Variants in ESR2 observed in about 807,000 individuals in gnomAD.
The protein encoded by ESR2 is estrogen receptor 2, also known as estrogen receptor beta.
ESR2 carries 36 observed loss-of-function variants against 49.6 expected under a neutral mutation model. The observed-to-expected ratio is 0.73, with a 90% CI of 0.56 to 0.96. The LOEUF (loss-of-function observed/expected upper bound fraction) is 0.96, where lower values mean the gene tolerates loss of function less well. Among genes scored for constraint, ESR2 ranks in the 40% least tolerant of loss-of-function variants. The probability of loss-of-function intolerance (pLI) is 0.00; values close to 1 mark genes in which losing one functional copy is unlikely to be tolerated. For synonymous variants in ESR2, 320 were observed against 266.1 expected, an observed-to-expected ratio of 1.20 and a Z score of -1.97; for missense variants, 714 against 693.0, an observed-to-expected ratio of 1.03 and a Z score of -0.34.
intron 7 of ESR2, among the ~76,000 whole-genome samples, chr14:64,238,683 G>A (rs1324991195): frequency 6.6e-6 from 1 of 151,254 alleles, no homozygotes; most frequent in Admixed American, 6.6e-5. Context: ...TCCCCCAAAA[G>A]TAAAAACATC....
intron 1 of ESR2, among the ~76,000 whole-genome samples, chr14:64,283,881 C>T (rs1221144791): frequency 6.6e-6 from 1 of 150,792 alleles, no homozygotes; most frequent in South Asian, 2.1e-4. Flanking sequence ...ACCAGTGTAA[C>T]TGTGTCACTT....
intron 1 of ESR2, among the ~76,000 whole-genome samples, chr14:64,327,686 C>T (rs1338962984): frequency 1.3e-5 from 2 of 151,832 alleles, no homozygotes; most frequent in African/African-American, 4.8e-5. Flanking sequence ...CAGAGCAAGA[C>T]CCCACCTCAA....
chr14:64,275,342 T>A (rs8020356), intron 3 of ESR2, among the ~76,000 whole-genome samples: 52,355 of 151,906 alleles, frequency 0.34, 9,421 homozygotes, highest in Middle Eastern at 0.44. Context: ...ACCTTTTTTG[T>A]CTCTTTTTAT....
At chr14:64,250,068 G>A (rs562100796) in intron 6 of ESR2, among the ~76,000 whole-genome samples, 38 of 152,260 alleles carry the variant, frequency 2.5e-4, no homozygotes, top group African/African-American at 9.1e-4. Flanking sequence ...ATTTCAAAAT[G>A]AGACACTTCA....
At chr14:64,305,842 G>A (rs947018723) in intron 1 of ESR2, among the ~76,000 whole-genome samples, 1 of 152,140 alleles carries the variant, frequency 6.6e-6, no homozygotes, top group Admixed American at 6.5e-5. Context: ...ACTACCAAAT[G>A]TTCCTCAGCT....
At chr14:64,304,002 A>C (rs1237066314) in intron 1 of ESR2, among the ~76,000 whole-genome samples, 1 of 152,242 alleles carries the variant, frequency 6.6e-6, no homozygotes, top group African/African-American at 2.4e-5. Flanking sequence ...AGAGAGACAC[A>C]CAAAATACTG....
rs561226739 is a variant in ESR2, at chr14:64,260,718, A to G, written c.683T>C (p.Leu228Pro). ...GSRRERCGYR[L>P]VRRQRSADEQ... The stretch of plus-strand genomic sequence containing the variant: ...GTCGGCACTTCTCTGTCTCCGCACA[A>G]GGCGGTACCCACATCTCTCTCTCCG... The change falls in exon 5 of 9, where the codon CTT becomes CCT. Residue 228 changes from leucine to proline, a missense_variant. Leu to Pro is a moderately conservative substitution (Grantham distance 98, BLOSUM62 -3). Transcript: ENST00000341099. 1.1e-4 allele frequency: 173 copies of G among 1,532,586 alleles called. 2 individuals are homozygous for G. Among genetic ancestry groups the G allele is most frequent in the Middle Eastern group, 7.2e-4 (4 of 5,570 alleles). The allele number at this position is 1,532,586 out of a possible 1,614,324, so 94.9% of individuals were successfully genotyped here.
intron 1 of ESR2, 62 bp from the exon 2 acceptor site, chr14:64,283,137 A>C (rs2076715573): frequency 1.6e-6 from 1 of 634,998 alleles, no homozygotes; most frequent in African/African-American, 1.8e-5. Context: ...ATGAAAATTT[A>C]AATATTTTCA....
chr14:64,306,213 A>G (rs2140874593), intron 1 of ESR2, among the ~76,000 whole-genome samples: 1 of 147,488 alleles, frequency 6.8e-6, no homozygotes, highest in East Asian at 2.0e-4. Context: ...AAAAAAAAAG[A>G]AAAAAAAAAA....
chr14:64,293,362 C>G (rs975196975), intron 1 of ESR2, among the ~76,000 whole-genome samples: 3 of 152,216 alleles, frequency 2.0e-5, no homozygotes, highest in Admixed American at 1.3e-4. Context: ...CAAAATGTTG[C>G]CTACCACACC....
In ESR2 at chr14:64,233,072, T is replaced by C. The variant is rs2140605837; in HGVS notation, c.*65A>G. 2 of 1,564,968 alleles carry C rather than the reference T, an allele frequency of 1.3e-6. No individual in the cohort carries two copies. Among genetic ancestry groups the C allele is most frequent in the East Asian group, 2.3e-5 (1 of 44,172 alleles). On this transcript the variant is annotated 3_prime_UTR_variant, in exon 9 of 9. Transcript: ENST00000341099. Reference sequence around the variant, plus strand: ...AGCAGAAAGATGAAGCCCAGGCTCCTGACACACTGGAGTTCACGCTTCAGC... The same window carrying C: ...AGCAGAAAGATGAAGCCCAGGCTCCCGACACACTGGAGTTCACGCTTCAGC...
intron 1 of ESR2, among the ~76,000 whole-genome samples, chr14:64,305,436 C>A (rs1177464858): frequency 6.6e-6 from 1 of 151,190 alleles, no homozygotes. Flanking sequence ...TTTGGGAGGC[C>A]AAGGCGGGCG....
intron 1 of ESR2, among the ~76,000 whole-genome samples, chr14:64,288,019 G>A (rs2076809104): frequency 6.6e-6 from 1 of 152,164 alleles, no homozygotes; most frequent in South Asian, 2.1e-4. Context: ...TTATTTGCAT[G>A]TCAATTTTCT....
intron 1 of ESR2, among the ~76,000 whole-genome samples, chr14:64,308,306 G>A (rs549956954): frequency 6.6e-6 from 1 of 152,200 alleles, no homozygotes; most frequent in East Asian, 1.9e-4. Context: ...GAGACACCGC[G>A]CCGGGCCCCT....
Position 64,260,772 on chromosome 14 carries a change from C to T in ESR2, c.653-24G>A, listed in dbSNP as rs757341644. On this transcript the variant is annotated intron_variant, in intron 4 of 8. Coordinates refer to ENST00000341099, the MANE Select transcript of ESR2 (RefSeq NM_001437.3). ...GCCTGAAGAGGAAAGCAGAGTCATT[C>T]GAATTGCCAGGGTAAAACCGCAGTC... 6 of 1,433,796 alleles carry T rather than the reference C, an allele frequency of 4.2e-6. No individual in the cohort carries two copies. In the African/African-American group the frequency reaches 4.4e-5, roughly 11 times the overall value. 88.8% of individuals were successfully genotyped at this position (1,433,796 alleles called of 1,614,324 possible).
In ESR2 at chr14:64,258,196, G is replaced by A. The variant is rs560573022; in HGVS notation, c.953-832C>T. Among the ~76,000 whole-genome samples the A allele has an allele frequency of 1.8e-4, 26 of 147,380 alleles. 1 individual carries two copies. The highest frequency in any genetic ancestry group is 4.9e-4 in the African/African-American group (19 of 38,598). ...TGCACTCCAGCCTGGGCAACAGAGC[G>A]AGACCCTGTCTCAAAAATAAATAAA... On this transcript the variant is annotated intron_variant, in intron 5 of 8. Coordinates refer to ENST00000341099, the MANE Select transcript of ESR2 (RefSeq NM_001437.3).
Position 64,325,523 on chromosome 14 carries a change from A to C in ESR2, c.-91+12375T>G, listed in dbSNP as rs1457404579. Among the ~76,000 whole-genome samples the C allele has an allele frequency of 2.6e-5, 4 of 152,188 alleles. No individual in the cohort carries two copies. In the East Asian group the frequency reaches 7.7e-4, roughly 29 times the overall value. ...TATAGTGAGAAAAGTTAAGAAAATG[A>C]AGGTGTTATTGTAAATTATGAATAT... On this transcript the variant is annotated intron_variant, in intron 1 of 8. Transcript: ENST00000358599.
intron 7 of ESR2, 112 bp from the exon 8 acceptor site, chr14:64,235,262 G>T: frequency 2.8e-6 from 3 of 1,079,218 alleles, no homozygotes; most frequent in Non-Finnish European, 4.0e-6. Context: ...TTTGACAGCT[G>T]CATGTGTGGC....
Position 64,249,578 on chromosome 14 carries a change from A to C in ESR2, c.1193T>G (p.Leu398Arg), listed in dbSNP as rs1197276001. 1 of 1,613,922 alleles carries C rather than the reference A, an allele frequency of 6.2e-7. No individual in the cohort carries two copies. Among genetic ancestry groups the C allele is most frequent in the African/African-American group, 1.3e-5 (1 of 74,918 alleles). The change falls in exon 7 of 9, where the codon CTC becomes CGC. Residue 398 changes from leucine (L) to arginine (R), a missense_variant. Leu to Arg is a moderately radical substitution (Grantham distance 102). Transcript: ENST00000341099. Reference protein sequence around the residue: ...RELKLQHKEYLCVKAMILLNS... With the variant: ...RELKLQHKEYRCVKAMILLNS... Reference sequence around the variant, plus strand: ...GAGCAGGATCATGGCCTTGACACAGAGATATTCTTTGTGTTGGAGTTTTAA... The same window carrying C: ...GAGCAGGATCATGGCCTTGACACAGCGATATTCTTTGTGTTGGAGTTTTAA...
Sources: allele counts gnomAD v4.1 joint callset (sites outside exome capture counted in the v4.1 genomes callset), GRCh38; gene constraint gnomAD v4.1.1; transcripts MANE v1.5; gene names NCBI Gene and HGNC (gene_info 2026-07-23, HGNC 2026-07-21).